Variants in SIRT5 observed in about 807,000 individuals in gnomAD.
SIRT5 encodes the protein sirtuin 5, also known as NAD-dependent protein deacylase sirtuin-5, mitochondrial.
In SIRT5, 26 loss-of-function variants were observed where a neutral mutation model predicts 40.0. That is an observed-to-expected ratio of 0.65 (90% CI 0.48 to 0.90). The LOEUF is 0.90. Ranked by LOEUF, SIRT5 falls within the 40% of genes least tolerant of loss-of-function variation. The probability of loss-of-function intolerance (pLI) is 0.00; values close to 1 mark genes in which losing one functional copy is unlikely to be tolerated. For synonymous variants in SIRT5, 146 were observed against 149.1 expected, an observed-to-expected ratio of 0.98 and a Z score of 0.15; for missense variants, 401 against 402.4, an observed-to-expected ratio of 1.00 and a Z score of 0.03.
chr6:13,575,715 C>T (rs1351784392), intron 1 of SIRT5, among the ~76,000 whole-genome samples: 1 of 152,152 alleles, frequency 6.6e-6, no homozygotes, highest in African/African-American at 2.4e-5. Flanking sequence ...ACATCATCAA[C>T]TATGGTCACC....
At chr6:13,593,295 C>T (rs191557824) in intron 5 of SIRT5, among the ~76,000 whole-genome samples, 25 of 152,280 alleles carry the variant, frequency 1.6e-4, no homozygotes, top group African/African-American at 4.8e-4. Context: ...GTGAAGCTGC[C>T]TGCTTTTACT....
intron 9 of SIRT5, among the ~76,000 whole-genome samples, chr6:13,609,011 A>C (rs922367537): frequency 6.6e-6 from 1 of 152,224 alleles, no homozygotes. Flanking sequence ...TAGTAGAGAC[A>C]GGGTTTCACC....
chr6:13,575,551 T>C (rs1758509031), intron 1 of SIRT5, among the ~76,000 whole-genome samples: 1 of 151,160 alleles, frequency 6.6e-6, no homozygotes, highest in Admixed American at 6.6e-5. Flanking sequence ...TATATAATTA[T>C]TTTTATTGAC....
At position 13,612,031 on chromosome 6, in the gene SIRT5, CA is replaced by C. The variant is rs146030516; in HGVS notation, c.*169del. On this transcript the variant is annotated 3_prime_UTR_variant, in exon 10 of 10. Transcript: ENST00000606117. ...ATAAGTGATGGGGGTTTAGAAGTAG[CA>C]AAGAGCACCCACATTCAAAAGTCAC... 1,233 of 518,358 alleles carry C rather than the reference CA, an allele frequency of 2.4e-3. 18 individuals are homozygous for C. Among genetic ancestry groups the C allele is most frequent in the African/African-American group, 0.02 (1,079 of 53,284 alleles). 32.1% of individuals were successfully genotyped at this position (518,358 alleles called of 1,614,324 possible).
chr6:13,611,207 G>GTGTATATATATA (rs1554219247), intron 9 of SIRT5, among the ~76,000 whole-genome samples: 1 of 93,638 alleles, frequency 1.1e-5, no homozygotes. Flanking sequence ...GTGTGTGTGT[G>GTGTATATATATA]TATATATATA....
intron 9 of SIRT5, among the ~76,000 whole-genome samples, chr6:13,608,994 G>C (rs1300777461): frequency 6.6e-6 from 1 of 152,066 alleles, no homozygotes; most frequent in African/African-American, 2.4e-5. Context: ...GCTAATTTTT[G>C]TATTTTTAGT....
Position 13,593,641 on chromosome 6 carries a change from G to A in SIRT5, c.475+1747G>A, listed in dbSNP as rs561419956. ...TTAAAAAAAATCAATGGCATCTTCA[G>A]TCTGATGAAGGGTTTTTTTTAAGAT... On this transcript the variant is annotated intron_variant, in intron 5 of 9. Transcript: ENST00000606117. 1.9e-4 allele frequency among the ~76,000 whole-genome samples: 29 copies of A among 152,294 alleles called. No homozygotes were observed. In the South Asian group the frequency reaches 6.0e-3, roughly 32 times the overall value.
At chr6:13,579,648 A>T (rs1759075700) in intron 2 of SIRT5, 39 bp downstream of exon 2, 2 of 152,270 alleles carry the variant, frequency 1.3e-5, no homozygotes, top group African/African-American at 4.8e-5. Context: ...AAGTAACTTC[A>T]TGCAGCATAT....
At chr6:13,596,574 A>G (rs1343860749) in intron 6 of SIRT5, among the ~76,000 whole-genome samples, 1 of 151,738 alleles carries the variant, frequency 6.6e-6, no homozygotes, top group African/African-American at 2.4e-5. Flanking sequence ...GCAGCCTCCA[A>G]CTCCTGGGCT....
chr6:13,585,611 A>T (rs1192306353), intron 3 of SIRT5, among the ~76,000 whole-genome samples: 1 of 152,132 alleles, frequency 6.6e-6, no homozygotes, highest in Non-Finnish European at 1.5e-5. Context: ...CATGGTGTAT[A>T]TTTGCCACAT....
At position 13,591,774 on chromosome 6, in the gene SIRT5, C is replaced by A; in HGVS notation, c.355C>A (p.Arg119Ser). The A allele has an allele frequency of 6.2e-7, 1 of 1,613,984 alleles. No individual in the cohort carries two copies. Among genetic ancestry groups the A allele is most frequent in the Non-Finnish European group, 8.5e-7 (1 of 1,179,908 alleles). ...GAGCAAGGAGCCCAACGCCGGGCACCGCGCCATAGCCGAGTGTGAGACCCG... is the reference window on the plus strand; with the variant it reads ...GAGCAAGGAGCCCAACGCCGGGCACAGCGCCATAGCCGAGTGTGAGACCCG... ...MGSKEPNAGHRAIAECETRLG... is the reference protein window; with the variant it reads ...MGSKEPNAGHSAIAECETRLG... The change falls in exon 5 of 10, where the codon CGC (arginine) becomes AGC (serine). Residue 119 changes from arginine (R) to serine (S), a missense_variant. Coordinates refer to ENST00000606117, the MANE Select transcript of SIRT5 (RefSeq NM_012241.5).
At chr6:13,601,759 C>G (rs1339963504) in intron 9 of SIRT5, among the ~76,000 whole-genome samples, 1 of 151,724 alleles carries the variant, frequency 6.6e-6, no homozygotes, top group African/African-American at 2.4e-5. Context: ...GCCCAGACAT[C>G]ATCATTTTGA....
At chr6:13,584,329 T>A in intron 3 of SIRT5, 104 bp downstream of exon 3, 1 of 850,964 alleles carries the variant, frequency 1.2e-6, no homozygotes, top group Non-Finnish European at 2.0e-6. Context: ...TTGGGCAAGG[T>A]TTTGGAGAAA....
intron 2 of SIRT5, among the ~76,000 whole-genome samples, chr6:13,582,036 A>T (rs1194438091): frequency 6.6e-6 from 1 of 152,176 alleles, no homozygotes; most frequent in Non-Finnish European, 1.5e-5. Flanking sequence ...ATGATCTAAC[A>T]CAAGCACAAA....
In SIRT5 at chr6:13,597,010, T is replaced by C. The variant is rs1317128246; in HGVS notation, c.611T>C (p.Leu204Pro). The change falls in exon 7 of 10, where the codon CTT becomes CCT. Residue 204 changes from leucine to proline, a missense_variant. By Grantham distance (98) the Leu-to-Pro change is moderately conservative. Coordinates refer to ENST00000606117, the MANE Select transcript of SIRT5 (RefSeq NM_012241.5). The part of the protein sequence containing the change: ...TQDASIPVEK[L>P]PRCEEAGCGG... ...GATGCCAGCATCCCAGTTGAGAAAC[T>C]TCCCCGGTAGGTAGAAAACTCTGAT... is the stretch of plus-strand genomic sequence containing the variant. 6.2e-7 allele frequency: 1 copy of C among 1,611,674 alleles called. No homozygotes were observed. Among genetic ancestry groups the C allele is most frequent in the East Asian group, 2.2e-5 (1 of 44,852 alleles).
intron 9 of SIRT5, among the ~76,000 whole-genome samples, chr6:13,611,207 GTATATATA>G (rs1172335284): frequency 8.5e-5 from 8 of 93,598 alleles, no homozygotes; most frequent in East Asian, 2.7e-4. Flanking sequence ...GTGTGTGTGT[GTATATATA>G]TATATATATA....
intron 1 of SIRT5, among the ~76,000 whole-genome samples, chr6:13,577,474 A>G (rs1466189931): frequency 2.0e-5 from 3 of 151,770 alleles, no homozygotes; most frequent in African/African-American, 7.2e-5. Context: ...AACACCACTG[A>G]TTTTTATATG....
chr6:13,580,438 T>C (rs1399189032), intron 2 of SIRT5, among the ~76,000 whole-genome samples: 1 of 152,180 alleles, frequency 6.6e-6, no homozygotes, highest in African/African-American at 2.4e-5. Context: ...AAAATTTCTC[T>C]GCTCCCCCTT....
At chr6:13,605,964 C>T (rs1763048286) in intron 9 of SIRT5, among the ~76,000 whole-genome samples, 1 of 152,124 alleles carries the variant, frequency 6.6e-6, no homozygotes, top group Admixed American at 6.5e-5. Context: ...TGTAAGTATC[C>T]ACTATGTATC....
Sources: allele counts gnomAD v4.1 joint callset (sites outside exome capture counted in the v4.1 genomes callset), GRCh38; gene constraint gnomAD v4.1.1; transcripts MANE v1.5; gene names NCBI Gene and HGNC (gene_info 2026-07-23, HGNC 2026-07-21).